Variants in EFL1 observed in about 807,000 individuals in gnomAD.
EFL1 encodes the protein elongation factor like GTPase 1.
Under a neutral mutation model 126.7 loss-of-function variants are expected in EFL1, and 76 were observed. The ratio of observed to expected loss-of-function variants is 0.60; its 90% CI spans 0.50 to 0.73. The LOEUF (loss-of-function observed/expected upper bound fraction) is 0.73, where lower values mean the gene tolerates loss of function less well. Ranked by LOEUF, EFL1 falls within the 30% of genes least tolerant of loss-of-function variation. EFL1 has a pLI of 0.00. For missense variants in EFL1, 1,128 were observed against 1,343.2 expected, an observed-to-expected ratio of 0.84 and a Z score of 2.50; for synonymous variants, 410 against 448.4, an observed-to-expected ratio of 0.91 and a Z score of 1.08.
intron 15 of EFL1, among the ~76,000 whole-genome samples, chr15:82,181,933 T>C (rs771104169): frequency 3.3e-5 from 5 of 152,206 alleles, no homozygotes; most frequent in African/African-American, 4.8e-5. Flanking sequence ...GTGCTCCATG[T>C]ACAAAATTAA....
At chr15:82,240,071 G>A (rs984578515) in intron 6 of EFL1, among the ~76,000 whole-genome samples, 2 of 152,134 alleles carry the variant, frequency 1.3e-5, no homozygotes, top group African/African-American at 2.4e-5. Flanking sequence ...AATATTTGCT[G>A]AATAAATAAA....
intron 15 of EFL1, among the ~76,000 whole-genome samples, chr15:82,179,122 C>T (rs1054339558): frequency 6.6e-6 from 1 of 152,002 alleles, no homozygotes; most frequent in African/African-American, 2.4e-5. Flanking sequence ...CTAGCCAGGG[C>T]AACAGAGTGA....
intron 15 of EFL1, among the ~76,000 whole-genome samples, chr15:82,189,507 T>C (rs1030005301): frequency 2.6e-5 from 4 of 152,228 alleles, no homozygotes; most frequent in African/African-American, 9.6e-5. Flanking sequence ...TCTTTAACTA[T>C]TATTTTTTAA....
chr15:82,225,219 A>T lies in EFL1; in HGVS notation c.1238T>A (p.Phe413Tyr), dbSNP rs1198796367. The T allele has an allele frequency of 6.2e-7, 1 of 1,612,970 alleles. No individual in the cohort carries two copies. The highest frequency in any genetic ancestry group is 1.1e-5 in the South Asian group (1 of 90,862). ...GSEDTAPVIIFVSKMFAVDAK... is the reference protein window; with the variant it reads ...GSEDTAPVIIYVSKMFAVDAK... ...ATCAACTGCAAACATTTTGGAAACA[A>T]ATATAATAACTGGAGCAGTGTCCTC... Residue 413 changes from phenylalanine (F) to tyrosine (Y), a missense_variant, in exon 12 of 20, where the codon TTT (phenylalanine) becomes TAT (tyrosine). By Grantham distance (22) the Phe-to-Tyr change is conservative. Transcript: ENST00000268206.
At chr15:82,175,279 TAAC>T (rs1226331182) in intron 15 of EFL1, among the ~76,000 whole-genome samples, 2 of 152,180 alleles carry the variant, frequency 1.3e-5, no homozygotes, top group Non-Finnish European at 2.9e-5. Flanking sequence ...TTACTTGAAG[TAAC>T]AATATTAGGC....
At chr15:82,153,006 T>C (rs1399075800) in intron 17 of EFL1, among the ~76,000 whole-genome samples, 4 of 152,234 alleles carry the variant, frequency 2.6e-5, no homozygotes, top group Non-Finnish European at 5.9e-5. Flanking sequence ...TGCTGAGCCC[T>C]TGAAATGTGG....
At chr15:82,170,018 G>A (rs968971738) in intron 15 of EFL1, among the ~76,000 whole-genome samples, 2 of 151,710 alleles carry the variant, frequency 1.3e-5, no homozygotes, top group African/African-American at 4.8e-5. Flanking sequence ...TGGGCCTCCT[G>A]GAGAAAATGG....
chr15:82,173,010 G>C (rs1188564895), intron 15 of EFL1, among the ~76,000 whole-genome samples: 1 of 152,112 alleles, frequency 6.6e-6, no homozygotes, highest in Non-Finnish European at 1.5e-5. Flanking sequence ...AAAGAAGGTA[G>C]AGTTTGACAG....
intron 15 of EFL1, among the ~76,000 whole-genome samples, chr15:82,186,714 T>A (rs1421093465): frequency 6.6e-6 from 1 of 152,264 alleles, no homozygotes; most frequent in Non-Finnish European, 1.5e-5. Flanking sequence ...TCCTTTTCCA[T>A]TTCCAGACCT....
At chr15:82,255,697 T>C (rs1219875644) in intron 3 of EFL1, among the ~76,000 whole-genome samples, 2 of 152,162 alleles carry the variant, frequency 1.3e-5, no homozygotes, top group African/African-American at 4.8e-5. Flanking sequence ...AATTTTTTTT[T>C]CCACAGGGAT....
chr15:82,169,095 G>C (rs948532659), intron 15 of EFL1, among the ~76,000 whole-genome samples: 2 of 152,042 alleles, frequency 1.3e-5, no homozygotes, highest in Admixed American at 1.3e-4. Flanking sequence ...AATGGAGCTT[G>C]GTTCTCATCA....
Position 82,138,695 on chromosome 15 carries a change from C to G in EFL1, c.3137G>C (p.Gly1046Ala). The G allele has an allele frequency of 4.3e-6, 7 of 1,613,962 alleles. No homozygotes were observed. The highest frequency in any genetic ancestry group is 5.9e-6 in the Non-Finnish European group (7 of 1,179,884). The part of the protein sequence containing the change: ...FADEIRKRTS[G>A]LASPQLVFSH... ...GAATACTAGTTGTGGGCTGGCCAGG[C>G]CACTTGTCCTCTTCCTGATTTCATC... Residue 1046 changes from glycine (G) to alanine (A), a missense_variant, in exon 19 of 20, where the codon GGC becomes GCC. By Grantham distance (60) the Gly-to-Ala change is moderately conservative. This residue lies in a region of EFL1 where 561 missense variants were observed against 641.7 expected (regional missense o/e 0.87). Transcript: ENST00000268206.
intron 16 of EFL1, among the ~76,000 whole-genome samples, chr15:82,160,977 T>A (rs1486725397): frequency 6.6e-6 from 1 of 152,112 alleles, no homozygotes; most frequent in Admixed American, 6.5e-5. Flanking sequence ...ATGAAGAAAA[T>A]AATAATTGCT....
chr15:82,210,232 A>G (rs1167570945), intron 15 of EFL1, among the ~76,000 whole-genome samples: 1 of 152,234 alleles, frequency 6.6e-6, no homozygotes, highest in African/African-American at 2.4e-5. Context: ...ATACTTTGAC[A>G]TGCCTCCCAT....
At chr15:82,141,518 A>C (rs149564957) in intron 18 of EFL1, among the ~76,000 whole-genome samples, 15 of 152,238 alleles carry the variant, frequency 9.9e-5, no homozygotes, top group African/African-American at 3.4e-4. Context: ...CACTACAAAA[A>C]TTAGTTGGGC....
chr15:82,214,055 T>C (rs2074617044), intron 15 of EFL1, among the ~76,000 whole-genome samples: 1 of 152,178 alleles, frequency 6.6e-6, no homozygotes, highest in East Asian at 1.9e-4. Context: ...ACTCAATAAA[T>C]AGCTCTATAG....
At chr15:82,172,104 GATA>G (rs1420906798) in intron 15 of EFL1, among the ~76,000 whole-genome samples, 1 of 151,550 alleles carries the variant, frequency 6.6e-6, no homozygotes, top group Non-Finnish European at 1.5e-5. Context: ...GAATCTCATT[GATA>G]ATAAGGTAAA....
intron 15 of EFL1, among the ~76,000 whole-genome samples, chr15:82,165,690 A>G (rs752021873): frequency 1.3e-5 from 2 of 152,128 alleles, no homozygotes; most frequent in Non-Finnish European, 2.9e-5. Flanking sequence ...GGAACCTCCA[A>G]AGGTTCACAG....
At chr15:82,193,101 C>T (rs1388883382) in intron 15 of EFL1, among the ~76,000 whole-genome samples, 1 of 152,120 alleles carries the variant, frequency 6.6e-6, no homozygotes, top group Non-Finnish European at 1.5e-5. Context: ...AATTTGTTAA[C>T]AAAGAATAGG....
Sources: allele counts gnomAD v4.1 joint callset (sites outside exome capture counted in the v4.1 genomes callset), GRCh38; gene constraint gnomAD v4.1.1; regional missense constraint gnomAD v4.1.1; transcripts MANE v1.5; gene names NCBI Gene and HGNC (gene_info 2026-07-23, HGNC 2026-07-21).